PPFIA2: variants seen among roughly 807,000 people sequenced by gnomAD.
The protein encoded by PPFIA2 is liprin-alpha-2.
A neutral mutation model predicts 175.5 loss-of-function variants in PPFIA2; 46 were observed. The observed-to-expected ratio is 0.26, with a 90% CI of 0.21 to 0.34. The LOEUF is 0.34. Among genes scored for constraint, PPFIA2 ranks in the 10% least tolerant of loss-of-function variants. The probability of loss-of-function intolerance (pLI) is 1.00; values close to 1 mark genes in which losing one functional copy is unlikely to be tolerated. For missense variants in PPFIA2, 1,179 were observed against 1,506.1 expected (o/e 0.78, Z 3.60); for synonymous variants, 568 against 511.4 (o/e 1.11, Z -1.49).
rs549086097 is a variant in PPFIA2 at position 81,413,674 on chromosome 12, A to G, written c.646-7771T>C. On this transcript the variant is annotated intron_variant, in intron 7 of 32. Coordinates refer to ENST00000549396, the MANE Select transcript of PPFIA2 (RefSeq NM_003625.5). ...ATAACATTAAAATGTATTCTCAAGT[A>G]TACTGCAGCTTAGGTAATATGATTC... 2.5e-3 allele frequency among the ~76,000 whole-genome samples: 387 copies of G among 151,938 alleles called. 6 individuals are homozygous for G. The highest frequency in any genetic ancestry group is 3.5e-3 in the Non-Finnish European group (239 of 67,814).
At chr12:81,404,465 G>A (rs1222215342) in intron 8 of PPFIA2, among the ~76,000 whole-genome samples, 2 of 152,170 alleles carry the variant, frequency 1.3e-5, no homozygotes, top group African/African-American at 2.4e-5. Context: ...ACTGAGTGCT[G>A]AGTGAAAATG....
chr12:81,699,577 G>A (rs1223670149), intron 3 of PPFIA2, among the ~76,000 whole-genome samples: 1 of 151,336 alleles, frequency 6.6e-6, no homozygotes, highest in Non-Finnish European at 1.5e-5. Context: ...CTTCTTTCTT[G>A]ACTATTTGAA....
Position 81,353,202 on chromosome 12 carries a change from A to C in PPFIA2, c.1911T>G (p.Leu637=). Residue 637 remains leucine, a synonymous_variant, in exon 17 of 33, where the codon CTT becomes CTG. Transcript: ENST00000549396. ...CATCGGAATGACCACTTGGAGAGAG[A>C]AGATCCATTGAGCTAAAAATTGTTT... ...DRETIFSSMD[L]LSPSGHSDAQ... The C allele has an allele frequency of 6.2e-7, 1 of 1,613,832 alleles. No individual in the cohort carries two copies. The highest frequency in any genetic ancestry group is 8.5e-7 in the Non-Finnish European group (1 of 1,179,828).
chr12:81,644,449 T>A (rs2065782323), intron 4 of PPFIA2, among the ~76,000 whole-genome samples: 1 of 152,042 alleles, frequency 6.6e-6, no homozygotes, highest in Admixed American at 6.6e-5. Context: ...TTAAGCTAAA[T>A]CTTAGTTCTA....
At chr12:81,562,906 T>G (rs1471887617) in intron 4 of PPFIA2, among the ~76,000 whole-genome samples, 4 of 145,218 alleles carry the variant, frequency 2.8e-5, no homozygotes, top group Non-Finnish European at 4.5e-5. Flanking sequence ...CAATAACTAC[T>G]TACAGTGAAT....
chr12:81,323,402 T>C (rs2054097485), intron 22 of PPFIA2, among the ~76,000 whole-genome samples: 1 of 152,126 alleles, frequency 6.6e-6, no homozygotes, highest in Admixed American at 6.6e-5. Context: ...CGATCTGTAG[T>C]GCTCAACATT....
intron 3 of PPFIA2, among the ~76,000 whole-genome samples, chr12:81,694,978 C>T (rs2075726569): frequency 6.6e-6 from 1 of 152,100 alleles, no homozygotes; most frequent in African/African-American, 2.4e-5. Context: ...GGTCTACAGC[C>T]CCTTTCTTTT....
intron 4 of PPFIA2, among the ~76,000 whole-genome samples, chr12:81,675,248 A>T (rs2072276979): frequency 6.6e-6 from 1 of 151,722 alleles, no homozygotes; most frequent in South Asian, 2.1e-4. Context: ...AGAGAGATAA[A>T]GTTGTATAAC....
chr12:81,723,169 T>C (rs1157195961), intron 3 of PPFIA2, among the ~76,000 whole-genome samples: 2 of 151,074 alleles, frequency 1.3e-5, no homozygotes, highest in Non-Finnish European at 3.0e-5. Flanking sequence ...CATATTTCTC[T>C]GCTCTACTAA....
intron 4 of PPFIA2, among the ~76,000 whole-genome samples, chr12:81,570,819 A>G (rs1166886059): frequency 6.6e-6 from 1 of 151,640 alleles, no homozygotes; most frequent in African/African-American, 2.4e-5. Context: ...CAGTTTCACC[A>G]TGTCTACCAG....
intron 4 of PPFIA2, among the ~76,000 whole-genome samples, chr12:81,478,869 G>A (rs930261047): frequency 1.3e-5 from 2 of 152,104 alleles, no homozygotes; most frequent in African/African-American, 4.8e-5. Flanking sequence ...AGTGCGATGT[G>A]GTGCTGAGAA....
intron 22 of PPFIA2, among the ~76,000 whole-genome samples, chr12:81,304,096 A>G (rs1465573337): frequency 2.0e-5 from 3 of 152,200 alleles, no homozygotes; most frequent in Non-Finnish European, 4.4e-5. Flanking sequence ...TCATGATTCA[A>G]CAAAAATGCT....
intron 22 of PPFIA2, among the ~76,000 whole-genome samples, chr12:81,307,395 C>A (rs2049530822): frequency 6.6e-6 from 1 of 152,150 alleles, no homozygotes; most frequent in Admixed American, 6.5e-5. Flanking sequence ...TGACAATCAC[C>A]TAGGATCCTT....
At position 81,347,563 on chromosome 12, in the gene PPFIA2, C is replaced by G. The variant is rs2059285294; in HGVS notation, c.2202G>C (p.Arg734Ser). The change falls in exon 18 of 33, where the codon AGG becomes AGC. Residue 734 changes from arginine to serine, a missense_variant. Physicochemically the swap from Arg to Ser is moderately radical, Grantham distance 110 (BLOSUM62 -1). This residue lies in a region of PPFIA2 where 223 missense variants were observed against 241.6 expected (regional missense o/e 0.92). Transcript: ENST00000549396. The part of the protein sequence containing the change: ...TPKLTPRSPA[R>S]EMDRMGVMTL... ...TCATGACTCCCATCCGATCCATTTCCCTGGCAGGGCTTCGAGGGGTGAGCT... is the reference window on the plus strand; with the variant it reads ...TCATGACTCCCATCCGATCCATTTCGCTGGCAGGGCTTCGAGGGGTGAGCT... The G allele has an allele frequency of 6.2e-7, 1 of 1,612,420 alleles. No individual in the cohort carries two copies. Among genetic ancestry groups the G allele is most frequent in the African/African-American group, 1.3e-5 (1 of 74,858 alleles).
intron 3 of PPFIA2, among the ~76,000 whole-genome samples, chr12:81,742,584 G>A (rs1922544): frequency 0.17 from 25,477 of 152,168 alleles, 2,628 homozygotes; most frequent in Admixed American, 0.25. Context: ...TTTTGTACAC[G>A]TTAGACAATA....
chr12:81,612,732 T>C (rs1266976497), intron 4 of PPFIA2, among the ~76,000 whole-genome samples: 1 of 152,208 alleles, frequency 6.6e-6, no homozygotes, highest in Admixed American at 6.5e-5. Context: ...ATTTTGATGA[T>C]GTTTTATTTT....
intron 4 of PPFIA2, among the ~76,000 whole-genome samples, chr12:81,522,889 T>C (rs1163578701): frequency 6.6e-6 from 1 of 152,212 alleles, no homozygotes; most frequent in African/African-American, 2.4e-5. Flanking sequence ...AAATAAATCC[T>C]GAAATCTCAA....
intron 30 of PPFIA2, among the ~76,000 whole-genome samples, chr12:81,264,163 C>T (rs955667032): frequency 6.6e-5 from 10 of 152,146 alleles, no homozygotes; most frequent in Non-Finnish European, 1.3e-4. Flanking sequence ...GAAGCAACAT[C>T]ATACCCCACA....
intron 3 of PPFIA2, among the ~76,000 whole-genome samples, chr12:81,698,611 G>A (rs1040150580): frequency 6.6e-6 from 1 of 152,104 alleles, no homozygotes; most frequent in Non-Finnish European, 1.5e-5. Context: ...AGAAGTGTCA[G>A]GAAATAAATA....
Sources: allele counts gnomAD v4.1 joint callset (sites outside exome capture counted in the v4.1 genomes callset), GRCh38; gene constraint gnomAD v4.1.1; regional missense constraint gnomAD v4.1.1; transcripts MANE v1.5; gene names NCBI Gene and HGNC (gene_info 2026-07-23, HGNC 2026-07-21).